The following GLI3 variants were observed in gnomAD, a reference collection of about 807,000 sequenced individuals.
GLI3 encodes GLI family zinc finger 3, also known as transcription activator GLI3.
GLI3 carries 20 observed loss-of-function variants against 100.8 expected under a neutral mutation model. The observed-to-expected ratio is 0.20, with a 90% CI of 0.14 to 0.29. The LOEUF is 0.29. GLI3 is among the 10% of genes least tolerant of loss of function. The pLI is 1.00. For missense variants in GLI3, 2,040 were observed against 2,128.5 expected, an observed-to-expected ratio of 0.96 and a Z score of 0.82; for synonymous variants, 938 against 860.5, an observed-to-expected ratio of 1.09 and a Z score of -1.58.
intron 3 of GLI3, among the ~76,000 whole-genome samples, chr7:42,092,513 T>C (rs980205332): frequency 2.0e-5 from 3 of 152,136 alleles, no homozygotes; most frequent in African/African-American, 7.2e-5. Flanking sequence ...CTGAAAACAC[T>C]GTGGGGGCTG....
At chr7:42,235,461 G>A (rs1390141754) in intron 1 of GLI3, among the ~76,000 whole-genome samples, 1 of 152,104 alleles carries the variant, frequency 6.6e-6, no homozygotes, top group Admixed American at 6.5e-5. Context: ...ATGCGCTCAA[G>A]CTGAAACTCT....
chr7:41,991,581 G>A (rs1787988805), intron 10 of GLI3, among the ~76,000 whole-genome samples: 1 of 152,204 alleles, frequency 6.6e-6, no homozygotes, highest in African/African-American at 2.4e-5. Context: ...AAGGCATAGA[G>A]TTTAGAGAAA....
intron 1 of GLI3, among the ~76,000 whole-genome samples, chr7:42,262,301 C>T (rs1789153776): frequency 6.7e-6 from 1 of 148,364 alleles, no homozygotes; most frequent in Non-Finnish European, 1.5e-5. Context: ...ACTCTGTCAT[C>T]CAGGCTGGAG....
chr7:42,172,331 T>C (rs74638329), intron 2 of GLI3, among the ~76,000 whole-genome samples: 1,534 of 152,240 alleles, frequency 0.01, 7 homozygotes, highest in Non-Finnish European at 0.015. Context: ...ATCTCAGCCA[T>C]GGGTTTCAAA....
intron 10 of GLI3, among the ~76,000 whole-genome samples, chr7:42,015,750 C>G (rs186099092): frequency 6.6e-6 from 1 of 151,810 alleles, no homozygotes; most frequent in Non-Finnish European, 1.5e-5. Context: ...CACACACACA[C>G]CCACCCCCCC....
chr7:42,077,343 C>G (rs1171384090), intron 3 of GLI3, among the ~76,000 whole-genome samples: 11 of 151,316 alleles, frequency 7.3e-5, no homozygotes, highest in African/African-American at 2.4e-4. Flanking sequence ...GAATCTGTGG[C>G]TGATATACAC....
chr7:42,139,944 G>C (rs931173582), intron 3 of GLI3, among the ~76,000 whole-genome samples: 1 of 152,174 alleles, frequency 6.6e-6, no homozygotes, highest in Non-Finnish European at 1.5e-5. Flanking sequence ...TCTTGCAGGA[G>C]AGAAACAAAC....
chr7:41,985,294 C>A (rs965627510), intron 10 of GLI3, among the ~76,000 whole-genome samples: 1 of 152,152 alleles, frequency 6.6e-6, no homozygotes, highest in African/African-American at 2.4e-5. Flanking sequence ...GTTAGTCTAC[C>A]AGGTGAGCTC....
chr7:42,053,204 T>G (rs940148549), intron 4 of GLI3, among the ~76,000 whole-genome samples: 2 of 152,162 alleles, frequency 1.3e-5, no homozygotes, highest in Non-Finnish European at 2.9e-5. Flanking sequence ...ACCATGTTGA[T>G]TAGGCCAGTC....
At position 41,966,072 on chromosome 7, in the gene GLI3, C is replaced by A. The variant is rs202182779; in HGVS notation, c.3001G>T (p.Gly1001Cys). 6.4e-7 allele frequency: 1 copy of A among 1,572,002 alleles called. No individual in the cohort carries two copies. Reference sequence around the variant, plus strand: ...ACCGGGTCGCTGGCCCTCCTCACGCCGTGGCCCGGCGCATCGTGCGGCTGC... The same window carrying A: ...ACCGGGTCGCTGGCCCTCCTCACGCAGTGGCCCGGCGCATCGTGCGGCTGC... ...HLQPHDAPGH[G>C]VRRASDPVRT... The change falls in exon 15 of 15, where the codon GGC (glycine) becomes TGC (cysteine). Residue 1001 changes from glycine to cysteine, a missense_variant. Coordinates refer to ENST00000395925, the MANE Select transcript of GLI3 (RefSeq NM_000168.6). This position sits in a 1 kb window ranked among gnomAD's most constrained non-coding sequence, Gnocchi z 5.8.
chr7:42,237,524 C>CCGCGCTCCCCTCCCG (rs1788837176), upstream of GLI3, among the ~76,000 whole-genome samples: 1 of 151,488 alleles, frequency 6.6e-6, no homozygotes, highest in Non-Finnish European at 1.5e-5. Flanking sequence ...TCCCTCGGCT[C>CCGCGCTCCCCTCCCG]CGCGCTCCCC....
At position 42,173,880 on chromosome 7, in the gene GLI3, T is replaced by C. The variant is rs142691122; in HGVS notation, c.125-25412A>G. Among the ~76,000 whole-genome samples the C allele has an allele frequency of 5.5e-3, 839 of 152,348 alleles. 6 individuals carry two copies. The highest frequency in any genetic ancestry group is 0.041 in the Middle Eastern group (12 of 294). On this transcript the variant is annotated intron_variant, in intron 2 of 14. Coordinates refer to ENST00000395925, the MANE Select transcript of GLI3 (RefSeq NM_000168.6). ...CCAGTTTACACTTTTAGTCATTTTATGCTGGGCACAAGCTTGACCACTGCC... is the reference window on the plus strand; with the variant it reads ...CCAGTTTACACTTTTAGTCATTTTACGCTGGGCACAAGCTTGACCACTGCC...
chr7:42,075,431 C>A (rs973982480), intron 4 of GLI3, among the ~76,000 whole-genome samples: 2 of 149,736 alleles, frequency 1.3e-5, no homozygotes, highest in Non-Finnish European at 2.9e-5. Context: ...ACATCTGTAT[C>A]ATAAAACCTC....
At chr7:42,255,441 T>C (rs574858141) in intron 1 of GLI3, among the ~76,000 whole-genome samples, 1 of 152,324 alleles carries the variant, frequency 6.6e-6, no homozygotes, top group East Asian at 1.9e-4. Flanking sequence ...CAGTTTCCAT[T>C]ACCTAAAAGA....
At chr7:42,254,289 A>T (rs1789063614) in intron 1 of GLI3, among the ~76,000 whole-genome samples, 1 of 151,918 alleles carries the variant, frequency 6.6e-6, no homozygotes, top group Non-Finnish European at 1.5e-5. Flanking sequence ...AACCAAGATG[A>T]CCTAGTTCAC....
intron 2 of GLI3, among the ~76,000 whole-genome samples, chr7:42,188,737 T>G (rs1281093299): frequency 1.3e-5 from 2 of 152,194 alleles, no homozygotes; most frequent in Admixed American, 6.5e-5. Flanking sequence ...GAAGGCAGTA[T>G]AAAAAGTCTA....
chr7:42,062,700 T>TAC (rs1328006620), intron 4 of GLI3, among the ~76,000 whole-genome samples: 1 of 123,862 alleles, frequency 8.1e-6, no homozygotes, highest in Non-Finnish European at 1.7e-5. Flanking sequence ...TTATATATTA[T>TAC]ACACACACAC....
chr7:42,008,232 G>A (rs556996901), intron 10 of GLI3, among the ~76,000 whole-genome samples: 19 of 152,158 alleles, frequency 1.2e-4, no homozygotes, highest in African/African-American at 4.1e-4. Context: ...CATTTTGGAC[G>A]GGTCTCAGAG....
chr7:42,194,034 G>A (rs886626205), intron 2 of GLI3, among the ~76,000 whole-genome samples: 3 of 152,184 alleles, frequency 2.0e-5, no homozygotes, highest in East Asian at 1.9e-4. Flanking sequence ...GTGGACTTTC[G>A]CTTTTACTTT....
Sources: allele counts gnomAD v4.1 joint callset (sites outside exome capture counted in the v4.1 genomes callset), GRCh38; gene constraint gnomAD v4.1.1; non-coding constraint Gnocchi (gnomAD v3.1); transcripts MANE v1.5; gene names NCBI Gene and HGNC (gene_info 2026-07-23, HGNC 2026-07-21).